CNTNAP3: variants seen among roughly 807,000 people sequenced by gnomAD.
The protein encoded by CNTNAP3 is contactin associated protein family member 3, also known as contactin-associated protein-like 3.
A neutral mutation model predicts 92.1 loss-of-function variants in CNTNAP3; 36 were observed. The observed-to-expected ratio is 0.39, with a 90% CI of 0.30 to 0.52. CNTNAP3 has a LOEUF of 0.52. Among genes scored for constraint, CNTNAP3 ranks in the 20% least tolerant of loss-of-function variants. The pLI, the probability that CNTNAP3 is intolerant of heterozygous loss-of-function variation, is 0.76. For synonymous variants in CNTNAP3, 232 were observed against 422.3 expected (o/e 0.55, Z 5.53); for missense variants, 534 against 1,069.6 (o/e 0.50, Z 6.98).
At chr9:39,145,911 C>T (rs991991182) in intron 10 of CNTNAP3, among the ~76,000 whole-genome samples, 6 of 143,548 alleles carry the variant, frequency 4.2e-5, no homozygotes, top group African/African-American at 1.5e-4. Context: ...CATCCTTCTC[C>T]CTCTCCTCCC....
chr9:39,132,333 A>G (rs2118044983), intron 13 of CNTNAP3, among the ~76,000 whole-genome samples: 1 of 152,312 alleles, frequency 6.6e-6, no homozygotes, highest in Admixed American at 6.5e-5. Flanking sequence ...GTTTTGATGC[A>G]GGCAGAGTTT....
intron 23 of CNTNAP3, among the ~76,000 whole-genome samples, chr9:39,077,499 G>C (rs1413929889): frequency 6.6e-6 from 1 of 152,148 alleles, no homozygotes; most frequent in Non-Finnish European, 1.5e-5. Flanking sequence ...GGAGCTTGCA[G>C]TAAGTCGAGA....
At chr9:39,144,094 A>T (rs992995873) in intron 11 of CNTNAP3, 146 bp downstream of exon 11, 42 of 1,409,464 alleles carry the variant, frequency 3.0e-5, no homozygotes, top group Non-Finnish European at 3.7e-5. Flanking sequence ...AATAAGGTGG[A>T]TTAAAAGTAA....
intron 11 of CNTNAP3, among the ~76,000 whole-genome samples, chr9:39,141,634 T>C (rs1821576882): frequency 6.6e-6 from 1 of 152,182 alleles, no homozygotes; most frequent in Admixed American, 6.5e-5. Context: ...GAGATGGACA[T>C]TGCTAATCTT....
chr9:39,104,576 T>A (rs1230791232), intron 15 of CNTNAP3, among the ~76,000 whole-genome samples: 15 of 151,856 alleles, frequency 9.9e-5, no homozygotes, highest in Non-Finnish European at 2.9e-5. Context: ...AGCTTATTTG[T>A]TCCCTTCTGT....
intron 18 of CNTNAP3, among the ~76,000 whole-genome samples, chr9:39,089,002 T>C (rs1458330478): frequency 6.6e-6 from 1 of 152,288 alleles, no homozygotes; most frequent in African/African-American, 2.4e-5. Flanking sequence ...TCCCAAATTA[T>C]TAATTTTTAA....
intron 2 of CNTNAP3, among the ~76,000 whole-genome samples, chr9:39,250,470 G>A (rs7467442): frequency 0.28 from 1,982 of 7,156 alleles, 916 homozygotes; most frequent in Admixed American, 0.32. Context: ...GTTATGCCTC[G>A]ATTTCAAAAA....
intron 14 of CNTNAP3, 92 bp downstream of exon 14, chr9:39,118,011 T>G (rs1820901178): frequency 6.3e-7 from 1 of 1,590,866 alleles, no homozygotes; most frequent in Middle Eastern, 2.3e-4. Context: ...TTTAGTTACC[T>G]TATTGTACCA....
At chr9:39,101,543 G>A (rs533860074) in intron 17 of CNTNAP3, among the ~76,000 whole-genome samples, 1 of 140,866 alleles carries the variant, frequency 7.1e-6, no homozygotes, top group South Asian at 2.4e-4. Flanking sequence ...TAAATAAATG[G>A]AGTGCAAGAA....
intron 7 of CNTNAP3, among the ~76,000 whole-genome samples, chr9:39,175,687 CAGG>C (rs1484773533): frequency 4.0e-5 from 6 of 149,760 alleles, no homozygotes. Context: ...GAGGCTGAGG[CAGG>C]AGAATTGCTT....
intron 13 of CNTNAP3, among the ~76,000 whole-genome samples, chr9:39,125,751 T>A (rs1821139924): frequency 1.3e-5 from 2 of 152,070 alleles, no homozygotes; most frequent in African/African-American, 2.4e-5. Flanking sequence ...TATTACACAA[T>A]AATAAAGGGG....
chr9:39,073,817 C>G lies in CNTNAP3; in HGVS notation c.*73G>C. Reference sequence around the variant, plus strand: ...CGATGATAGAGACAGCCACAGCTGCCAATCAGAAGACTCGCTCTTTCTGGT... The same window carrying G: ...CGATGATAGAGACAGCCACAGCTGCGAATCAGAAGACTCGCTCTTTCTGGT... On this transcript the variant is annotated 3_prime_UTR_variant, in exon 24 of 24. Transcript: ENST00000297668. 6.3e-7 allele frequency: 1 copy of G among 1,596,556 alleles called. No individual in the cohort carries two copies. Among genetic ancestry groups the G allele is most frequent in the South Asian group, 1.1e-5 (1 of 90,994 alleles).
intron 13 of CNTNAP3, among the ~76,000 whole-genome samples, chr9:39,130,788 C>G (rs1310932571): frequency 6.6e-6 from 1 of 151,662 alleles, no homozygotes; most frequent in African/African-American, 2.4e-5. Flanking sequence ...CAGGCATGAG[C>G]CACCGTGCCC....
chr9:39,097,725 AG>A lies in CNTNAP3; in HGVS notation c.2995+2185del, dbSNP rs1826359118. ...TCTTGGCTATATCCATATAGAGTGG[AG>A]CTTCCGTCATACTGAGCTAGGGATG... On this transcript the variant is annotated intron_variant, in intron 18 of 23. Transcript: ENST00000297668. Among the ~76,000 whole-genome samples the A allele has an allele frequency of 5.5e-5, 8 of 144,866 alleles. 1 individual carries two copies. Among genetic ancestry groups the A allele is most frequent in the Admixed American group, 3.4e-4 (5 of 14,804 alleles).
At chr9:39,153,807 C>A (rs1821892084) in intron 9 of CNTNAP3, among the ~76,000 whole-genome samples, 1 of 133,634 alleles carries the variant, frequency 7.5e-6, no homozygotes, top group Admixed American at 7.4e-5. Flanking sequence ...GATCCACCCG[C>A]CTCAGCCTCT....
chr9:39,143,139 AG>A (rs574949683), intron 11 of CNTNAP3, among the ~76,000 whole-genome samples: 2 of 149,820 alleles, frequency 1.3e-5, no homozygotes, highest in Non-Finnish European at 3.0e-5. Context: ...AACAGGTTAG[AG>A]GTCAATAAAA....
intron 18 of CNTNAP3, among the ~76,000 whole-genome samples, chr9:39,093,257 T>C (rs1278422757): frequency 2.1e-5 from 3 of 141,092 alleles, no homozygotes; most frequent in African/African-American, 7.8e-5. Flanking sequence ...TTTTTCTTTT[T>C]CTATGTGTTT....
intron 21 of CNTNAP3, among the ~76,000 whole-genome samples, chr9:39,083,911 A>C (rs1587697606): frequency 6.6e-6 from 1 of 151,798 alleles, no homozygotes; most frequent in South Asian, 2.1e-4. Context: ...ATCAATCTGA[A>C]TGGTCTTCAT....
chr9:39,090,897 T>G (rs1163232853), intron 18 of CNTNAP3, among the ~76,000 whole-genome samples: 2,325 of 125,006 alleles, frequency 0.019, no homozygotes, highest in Middle Eastern at 0.067. Context: ...TGTTTTCCAT[T>G]TCTTTTGTTA....
Sources: gnomAD v4.1 joint callset for allele counts (sites outside exome capture counted in the v4.1 genomes callset) on GRCh38, gnomAD v4.1.1 for gene constraint, MANE v1.5 for transcripts, NCBI Gene and HGNC (gene_info 2026-07-23, HGNC 2026-07-21) for gene names.